TTC23: variants seen among roughly 807,000 people sequenced by gnomAD.
The protein encoded by TTC23 is tetratricopeptide repeat protein 23.
In TTC23, 58 loss-of-function variants were observed where a neutral mutation model predicts 55.1. The ratio of observed to expected loss-of-function variants is 1.05; its 90% CI spans 0.85 to 1.31. TTC23 has a LOEUF of 1.31. Among genes scored for constraint, TTC23 ranks in the 50% most tolerant of loss-of-function variants. TTC23 has a pLI of 0.00. For missense variants in TTC23, 516 were observed against 534.4 expected (o/e 0.97, Z 0.34); for synonymous variants, 203 against 199.9 (o/e 1.02, Z -0.13).
intron 8 of TTC23, among the ~76,000 whole-genome samples, chr15:99,207,603 A>G (rs2076726447): frequency 6.6e-6 from 1 of 152,142 alleles, no homozygotes; most frequent in Non-Finnish European, 1.5e-5. Flanking sequence ...CTAAAAATAC[A>G]AAAATTAGCT....
chr15:99,247,846 T>TTCTA (rs1355356514), intron 1 of TTC23, among the ~76,000 whole-genome samples: 357 of 151,060 alleles, frequency 2.4e-3, no homozygotes, highest in Middle Eastern at 3.4e-3. Context: ...TTTCTAAAAT[T>TTCTA]GGAATGTGGT....
At chr15:99,141,059 C>T (rs372755193) in intron 12 of TTC23, 243 of 152,284 alleles carry the variant, frequency 1.6e-3, no homozygotes, top group African/African-American at 5.6e-3. Flanking sequence ...ATTTCACCCA[C>T]CAGACTGCAA....
intron 12 of TTC23, among the ~76,000 whole-genome samples, chr15:99,146,726 A>G (rs1351349683): frequency 6.6e-6 from 1 of 152,198 alleles, no homozygotes; most frequent in Admixed American, 6.5e-5. Flanking sequence ...GTCTGTGTAC[A>G]CTACAAATCA....
rs554107946 is a variant in TTC23 at position 99,137,929 on chromosome 15, A to G, written c.*81T>C. 3.2e-6 allele frequency: 5 copies of G among 1,577,134 alleles called. No homozygotes were observed. On this transcript the variant is annotated 3_prime_UTR_variant, in exon 14 of 14. Coordinates refer to ENST00000394132, the MANE Select transcript of TTC23 (RefSeq NM_001288615.3). ...ATCTGTATCCTGACTGTTGAATTCC[A>G]TTTTCTAGGCGGAGGTGATTTGTAC...
chr15:99,162,893 A>C (rs2071563238), intron 10 of TTC23, among the ~76,000 whole-genome samples: 1 of 152,098 alleles, frequency 6.6e-6, no homozygotes. Flanking sequence ...CAGCTTGGTC[A>C]ACATGGCGAA....
intron 9 of TTC23, among the ~76,000 whole-genome samples, chr15:99,181,832 T>C (rs1281830080): frequency 6.6e-6 from 1 of 152,132 alleles, no homozygotes; most frequent in African/African-American, 2.4e-5. Flanking sequence ...GCAGAGAGCA[T>C]TGGAAAACTG....
intron 9 of TTC23, among the ~76,000 whole-genome samples, chr15:99,185,352 G>A (rs748741271): frequency 6.6e-6 from 1 of 152,214 alleles, no homozygotes; most frequent in Non-Finnish European, 1.5e-5. Context: ...CAGGAGCCAT[G>A]TGGGAGCACT....
At chr15:99,241,144 CTG>C (rs1344490173) in intron 3 of TTC23, among the ~76,000 whole-genome samples, 1 of 152,104 alleles carries the variant, frequency 6.6e-6, no homozygotes, top group East Asian at 1.9e-4. Flanking sequence ...TGGAGAAACC[CTG>C]TCTCTACTAA....
intron 9 of TTC23, among the ~76,000 whole-genome samples, chr15:99,196,305 T>A (rs1402682781): frequency 6.6e-6 from 1 of 152,146 alleles, no homozygotes. Flanking sequence ...AAGAAAAAAC[T>A]GCTGGTGGCG....
chr15:99,150,214 C>T (rs1308738804), intron 12 of TTC23, among the ~76,000 whole-genome samples: 1 of 152,190 alleles, frequency 6.6e-6, no homozygotes, highest in African/African-American at 2.4e-5. Context: ...TCATTCGATC[C>T]CTAAAACTGT....
chr15:99,223,597 T>C (rs2078132019), intron 5 of TTC23, among the ~76,000 whole-genome samples: 1 of 152,202 alleles, frequency 6.6e-6, no homozygotes, highest in Non-Finnish European at 1.5e-5. Flanking sequence ...TGTGGAATTT[T>C]GTTAGGACAG....
intron 9 of TTC23, among the ~76,000 whole-genome samples, chr15:99,195,933 C>G (rs1432436729): frequency 6.6e-6 from 1 of 151,198 alleles, no homozygotes; most frequent in Admixed American, 6.6e-5. Context: ...GCAGGGGGAT[C>G]TCTTGAGTTC....
chr15:99,175,247 A>G, intron 9 of TTC23, 92 bp from the exon 10 acceptor site: 1 of 1,016,422 alleles, frequency 9.8e-7, no homozygotes, highest in Non-Finnish European at 1.5e-6. Flanking sequence ...CAGAAAGCCA[A>G]GGAACTTTCC....
At chr15:99,142,717 G>C (rs1299573755) in intron 12 of TTC23, among the ~76,000 whole-genome samples, 12 of 152,128 alleles carry the variant, frequency 7.9e-5, no homozygotes, top group Non-Finnish European at 7.3e-5. Flanking sequence ...CGAATCCCCG[G>C]GAAGAATGAG....
At chr15:99,226,443 T>C (rs1384098902) in intron 5 of TTC23, among the ~76,000 whole-genome samples, 1 of 152,188 alleles carries the variant, frequency 6.6e-6, no homozygotes, top group East Asian at 1.9e-4. Flanking sequence ...TGAGTGAATC[T>C]TGTGCCTTTT....
At chr15:99,237,911 T>C (rs1294555282) in intron 3 of TTC23, among the ~76,000 whole-genome samples, 2 of 152,284 alleles carry the variant, frequency 1.3e-5, no homozygotes, top group Non-Finnish European at 2.9e-5. Context: ...AATTCCATTA[T>C]CTACTATAGA....
intron 10 of TTC23, among the ~76,000 whole-genome samples, chr15:99,168,672 T>C (rs2072488903): frequency 1.3e-5 from 2 of 152,130 alleles, no homozygotes; most frequent in African/African-American, 4.8e-5. Flanking sequence ...TCAGACACAA[T>C]GAAGGGACAG....
At chr15:99,197,763 AGGCATGGT>A (rs1379444956) in intron 9 of TTC23, among the ~76,000 whole-genome samples, 18 of 152,028 alleles carry the variant, frequency 1.2e-4, no homozygotes, top group African/African-American at 4.1e-4. Context: ...AAAATTAGCC[AGGCATGGT>A]GGCGGGCGCC....
At chr15:99,166,134 A>G (rs1277273702) in intron 10 of TTC23, among the ~76,000 whole-genome samples, 1 of 152,210 alleles carries the variant, frequency 6.6e-6, no homozygotes, top group African/African-American at 2.4e-5. Flanking sequence ...TGCCATGCTC[A>G]GGGAAAGGCA....
Sources: gnomAD v4.1 joint callset for allele counts (sites outside exome capture counted in the v4.1 genomes callset) on GRCh38, gnomAD v4.1.1 for gene constraint, MANE v1.5 for transcripts, NCBI Gene and HGNC (gene_info 2026-07-23, HGNC 2026-07-21) for gene names.